Variants in SPATA16 observed in about 807,000 individuals in gnomAD.
The protein encoded by SPATA16 is spermatogenesis-associated protein 16.
SPATA16 carries 36 observed loss-of-function variants against 63.3 expected under a neutral mutation model. The observed-to-expected ratio is 0.57, with a 90% confidence interval of 0.44 to 0.75. SPATA16 has a LOEUF of 0.75. Among genes scored for constraint, SPATA16 ranks in the 30% least tolerant of loss-of-function variants. SPATA16 has a pLI of 0.00. For synonymous variants in SPATA16, 203 were observed against 216.7 expected (o/e 0.94, Z 0.56); for missense variants, 646 against 679.3 (o/e 0.95, Z 0.54).
chr3:172,908,586 T>C (rs1577085007), intron 10 of SPATA16, among the ~76,000 whole-genome samples: 2 of 152,256 alleles, frequency 1.3e-5, no homozygotes, highest in South Asian at 4.1e-4. Context: ...AGATTTCATC[T>C]TGATCGGCTT....
At chr3:173,079,975 A>C (rs1279632424) in intron 2 of SPATA16, among the ~76,000 whole-genome samples, 1 of 152,192 alleles carries the variant, frequency 6.6e-6, no homozygotes, top group African/African-American at 2.4e-5. Flanking sequence ...GCAATGCCTA[A>C]AGTGAATTTT....
At chr3:172,997,172 T>C (rs573122818) in intron 4 of SPATA16, among the ~76,000 whole-genome samples, 297 of 152,284 alleles carry the variant, frequency 2.0e-3, no homozygotes, top group African/African-American at 6.9e-3. Context: ...TTGGATTCTA[T>C]GGTAAGAATA....
intron 2 of SPATA16, among the ~76,000 whole-genome samples, chr3:173,091,938 A>T (rs1045477951): frequency 3.9e-5 from 6 of 152,144 alleles, no homozygotes; most frequent in African/African-American, 1.4e-4. Flanking sequence ...TTATATAGAG[A>T]ATAGCCTGGG....
chr3:172,905,210 A>T (rs563905390), intron 10 of SPATA16, among the ~76,000 whole-genome samples: 1 of 152,316 alleles, frequency 6.6e-6, no homozygotes, highest in Admixed American at 6.5e-5. Flanking sequence ...AAGAAGATTC[A>T]CAATCAAATT....
intron 2 of SPATA16, among the ~76,000 whole-genome samples, chr3:173,068,942 C>G (rs546376808): frequency 5.9e-4 from 89 of 150,810 alleles, no homozygotes; most frequent in Non-Finnish European, 1.2e-3. Context: ...AACCCCGTCT[C>G]TAATAAAAAT....
chr3:173,023,257 C>G (rs879887735), intron 3 of SPATA16, among the ~76,000 whole-genome samples: 7 of 151,364 alleles, frequency 4.6e-5, no homozygotes, highest in Admixed American at 4.6e-4. Context: ...TTTCCCAATT[C>G]GCTTGATAAA....
At chr3:172,944,395 C>A (rs998319811) in intron 6 of SPATA16, among the ~76,000 whole-genome samples, 4 of 152,098 alleles carry the variant, frequency 2.6e-5, no homozygotes, top group Non-Finnish European at 5.9e-5. Flanking sequence ...TTGGAACACT[C>A]GTGCACTTCT....
rs1229122186 is a variant in SPATA16 at position 172,998,472 on chromosome 3, A to G, written c.848+21014T>C. Among the ~76,000 whole-genome samples, 4 of 152,122 alleles carry G rather than the reference A, an allele frequency of 2.6e-5. 1 individual carries two copies. Among genetic ancestry groups the G allele is most frequent in the South Asian group, 2.1e-4 (1 of 4,836 alleles). On this transcript the variant is annotated intron_variant, in intron 4 of 10. Transcript: ENST00000351008. ...TTTTAGATTTTCTTCATTGATAATCATGTCATTGGCAGACAAAGACAATTT... is the reference window on the plus strand; with the variant it reads ...TTTTAGATTTTCTTCATTGATAATCGTGTCATTGGCAGACAAAGACAATTT...
At chr3:172,956,429 T>C (rs774051264) in intron 6 of SPATA16, among the ~76,000 whole-genome samples, 7 of 152,108 alleles carry the variant, frequency 4.6e-5, no homozygotes, top group Non-Finnish European at 7.4e-5. Flanking sequence ...TTTTTTAAAA[T>C]GTTAGATTTT....
Position 173,079,125 on chromosome 3 carries a change from T to G in SPATA16, c.613-30031A>C, listed in dbSNP as rs575777947. On this transcript the variant is annotated intron_variant, in intron 2 of 10. Coordinates refer to ENST00000351008, the MANE Select transcript of SPATA16 (RefSeq NM_031955.6). The stretch of plus-strand genomic sequence containing the variant: ...AGGAATTTCTCTAGGTGCCCAAATT[T>G]ATAAAGTTACTGTGTGAAATATGTT... 1.7e-4 allele frequency among the ~76,000 whole-genome samples: 26 copies of G among 152,206 alleles called. No homozygotes were observed. The South Asian group carries it at 5.2e-3, about 30-fold the overall frequency.
intron 6 of SPATA16, 41 bp from the exon 7 acceptor site, chr3:172,925,533 G>GATTTTTTTAATATAACAT (rs757136436): frequency 1.2e-6 from 2 of 1,613,054 alleles, no homozygotes; most frequent in South Asian, 1.1e-5. Flanking sequence ...CTTTGTTATG[G>GATTTTTTTAATATAACAT]TTTTAATATT....
intron 2 of SPATA16, among the ~76,000 whole-genome samples, chr3:173,096,569 A>C (rs897180610): frequency 2.0e-5 from 3 of 152,118 alleles, no homozygotes; most frequent in African/African-American, 7.2e-5. Flanking sequence ...AATATTAGTA[A>C]TACACTAACC....
intron 5 of SPATA16, among the ~76,000 whole-genome samples, chr3:172,975,906 G>A (rs1734148708): frequency 6.6e-6 from 1 of 151,894 alleles, no homozygotes; most frequent in Non-Finnish European, 1.5e-5. Context: ...TCCAAGACAT[G>A]GTAGTGAAAA....
chr3:173,032,378 A>G (rs1350094062), intron 3 of SPATA16, among the ~76,000 whole-genome samples: 1 of 152,148 alleles, frequency 6.6e-6, no homozygotes, highest in Non-Finnish European at 1.5e-5. Flanking sequence ...TATATGGTCT[A>G]TCTTCTTTAT....
intron 4 of SPATA16, among the ~76,000 whole-genome samples, chr3:173,012,417 G>A (rs1406678646): frequency 1.3e-5 from 2 of 151,996 alleles, no homozygotes; most frequent in African/African-American, 4.8e-5. Context: ...CACAGCATTG[G>A]AAAAAATATT....
chr3:173,031,660 AAG>A (rs1349240686), intron 3 of SPATA16, among the ~76,000 whole-genome samples: 2 of 152,042 alleles, frequency 1.3e-5, no homozygotes, highest in East Asian at 3.9e-4. Flanking sequence ...TGAGAATAGA[AAG>A]AAAACTTATG....
At chr3:173,018,700 C>T (rs1261491941) in intron 4 of SPATA16, among the ~76,000 whole-genome samples, 1 of 152,126 alleles carries the variant, frequency 6.6e-6, no homozygotes, top group East Asian at 1.9e-4. Context: ...CAGATTTATC[C>T]TTAGAAGTTG....
At chr3:172,983,731 G>A (rs543756671) in intron 4 of SPATA16, among the ~76,000 whole-genome samples, 1 of 151,518 alleles carries the variant, frequency 6.6e-6, no homozygotes, top group East Asian at 1.9e-4. Flanking sequence ...ATTCATTCAA[G>A]CCAACACACA....
At chr3:173,024,282 T>C (rs1194038992) in intron 3 of SPATA16, among the ~76,000 whole-genome samples, 1 of 151,714 alleles carries the variant, frequency 6.6e-6, no homozygotes, top group Non-Finnish European at 1.5e-5. Context: ...ACTATTTTTT[T>C]CTCTTACTAC....
Sources: allele counts gnomAD v4.1 joint callset (sites outside exome capture counted in the v4.1 genomes callset), GRCh38; gene constraint gnomAD v4.1.1; transcripts MANE v1.5; gene names NCBI Gene and HGNC (gene_info 2026-07-23, HGNC 2026-07-21).